HTR2C: variants seen among roughly 807,000 people sequenced by gnomAD.
HTR2C encodes the protein 5-hydroxytryptamine receptor 2C.
In HTR2C, 5 loss-of-function variants were observed where a neutral mutation model predicts 21.0. The observed-to-expected ratio is 0.24, with a 90% CI of 0.12 to 0.50. HTR2C has a LOEUF of 0.50. Ranked by LOEUF, HTR2C falls within the 20% of genes least tolerant of loss-of-function variation. The pLI, the probability that HTR2C is intolerant of heterozygous loss-of-function variation, is 0.98. For missense variants in HTR2C, 271 were observed against 371.2 expected (o/e 0.73, Z 2.22); for synonymous variants, 150 against 145.3 (o/e 1.03, Z -0.23).
chrX:114,762,140 G>A (rs1251075725), intron 4 of HTR2C, among the ~76,000 whole-genome samples: 1 of 108,488 alleles, frequency 9.2e-6, no homozygotes, highest in African/African-American at 3.3e-5. Flanking sequence ...AAATCTTTCT[G>A]GATTTTGTAA....
At chrX:114,727,192 A>T (rs1309852274) in intron 3 of HTR2C, among the ~76,000 whole-genome samples, 2 of 112,238 alleles carry the variant, frequency 1.8e-5, no homozygotes, top group Non-Finnish European at 3.8e-5. Flanking sequence ...TCATATACTT[A>T]AACAAGTAAT....
At chrX:114,812,756 A>AC (rs142982809) in intron 4 of HTR2C, among the ~76,000 whole-genome samples, 4 of 9,597 alleles carry the variant, frequency 4.2e-4, no homozygotes, top group Non-Finnish European at 9.2e-4. Flanking sequence ...AAACAAACAA[A>AC]AAAAAAAACA....
At chrX:114,609,267 A>G (rs1365392067) in intron 1 of HTR2C, among the ~76,000 whole-genome samples, 1 of 111,905 alleles carries the variant, frequency 8.9e-6, no homozygotes, top group Non-Finnish European at 1.9e-5. Flanking sequence ...GATATGTATT[A>G]TTTAATATAC....
At chrX:114,762,833 C>T (rs782610134) in intron 4 of HTR2C, among the ~76,000 whole-genome samples, 7 of 112,116 alleles carry the variant, frequency 6.2e-5, no homozygotes, top group Non-Finnish European at 1.3e-4. Context: ...ATGGGCATCA[C>T]AGCTGTGAGC....
intron 5 of HTR2C, among the ~76,000 whole-genome samples, chrX:114,863,202 C>T (rs782692664): frequency 2.7e-5 from 3 of 111,284 alleles, no homozygotes; most frequent in African/African-American, 6.5e-5. Context: ...CTTTGAGATA[C>T]GTACCCAGCA....
chrX:114,735,154 A>C (rs1486539173), intron 4 of HTR2C, among the ~76,000 whole-genome samples: 1 of 109,943 alleles, frequency 9.1e-6, no homozygotes, highest in Non-Finnish European at 1.9e-5. Flanking sequence ...GTATCTACTA[A>C]AAATACAAAA....
chrX:114,730,051 AC>A (rs1338332516), intron 3 of HTR2C, among the ~76,000 whole-genome samples: 4 of 111,659 alleles, frequency 3.6e-5, no homozygotes, highest in Non-Finnish European at 7.5e-5. Context: ...AACATAAATC[AC>A]TCATTCACAG....
chrX:114,864,258 A>C (rs1483427606), intron 5 of HTR2C, among the ~76,000 whole-genome samples: 1 of 110,985 alleles, frequency 9.0e-6, no homozygotes, highest in Non-Finnish European at 1.9e-5. Flanking sequence ...ACTTTTCTGT[A>C]GTGCTAAGAT....
intron 5 of HTR2C, among the ~76,000 whole-genome samples, chrX:114,897,621 G>A (rs1387196655): frequency 9.0e-6 from 1 of 111,659 alleles, no homozygotes; most frequent in African/African-American, 3.3e-5. Context: ...GTGTTCTCAT[G>A]ATTCAGCTGC....
At chrX:114,705,507 G>A (rs1932749804) in intron 2 of HTR2C, among the ~76,000 whole-genome samples, 1 of 108,575 alleles carries the variant, frequency 9.2e-6, no homozygotes, top group Non-Finnish European at 1.9e-5. Context: ...CTAGCCATAT[G>A]TAGAAAGCTG....
intron 5 of HTR2C, among the ~76,000 whole-genome samples, chrX:114,875,895 T>C (rs1475813698): frequency 9.1e-6 from 1 of 110,397 alleles, no homozygotes; most frequent in Non-Finnish European, 1.9e-5. Context: ...TGGGGTCTTT[T>C]GTGGCTCCAT....
At chrX:114,701,341 C>T (rs1194866353) in intron 2 of HTR2C, among the ~76,000 whole-genome samples, 1 of 111,226 alleles carries the variant, frequency 9.0e-6, no homozygotes, top group African/African-American at 3.3e-5. Flanking sequence ...CCTCACATGG[C>T]CGGGTACTCC....
At chrX:114,795,219 G>A (rs1408101135) in intron 4 of HTR2C, among the ~76,000 whole-genome samples, 1 of 110,487 alleles carries the variant, frequency 9.1e-6, no homozygotes, top group Non-Finnish European at 1.9e-5. Context: ...CTTTTTGATG[G>A]GGTTGTTTGT....
chrX:114,755,239 TAA>T (rs58933362), intron 4 of HTR2C, among the ~76,000 whole-genome samples: 22 of 76,300 alleles, frequency 2.9e-4, no homozygotes, highest in Admixed American at 3.1e-4. Flanking sequence ...AGACTTCATC[TAA>T]AAAAAAAAAA....
chrX:114,611,699 AG>A (rs1483924652), intron 1 of HTR2C, among the ~76,000 whole-genome samples: 1 of 109,565 alleles, frequency 9.1e-6, no homozygotes, highest in Admixed American at 9.7e-5. Context: ...GGTTTTTTTT[AG>A]TTTTTTTCTT....
At chrX:114,796,375 A>G (rs990394007) in intron 4 of HTR2C, among the ~76,000 whole-genome samples, 8 of 111,705 alleles carry the variant, frequency 7.2e-5, no homozygotes, top group Admixed American at 2.9e-4. Context: ...TCTCTGTAGC[A>G]CATAACCTGG....
At chrX:114,823,377 A>G (rs1310589166) in intron 4 of HTR2C, 1 of 335,421 alleles carries the variant, frequency 3.0e-6, no homozygotes. Context: ...CAGCATTTAC[A>G]CAGAGAAGCA....
intron 4 of HTR2C, among the ~76,000 whole-genome samples, chrX:114,779,832 C>T (rs2070098266): frequency 9.0e-6 from 1 of 111,392 alleles, no homozygotes; most frequent in Non-Finnish European, 1.9e-5. Context: ...GAATTCTGCT[C>T]TATGTAAGAT....
chrX:114,897,523 T>TCAGCATCCATTAGCTA (rs1388015395), intron 5 of HTR2C, among the ~76,000 whole-genome samples: 29 of 111,593 alleles, frequency 2.6e-4, no homozygotes, highest in African/African-American at 9.1e-4. Flanking sequence ...GGTATTAAGC[T>TCAGCATCCATTAGCTA]CAGCATCCAT....
Sources: allele counts gnomAD v4.1 joint callset (sites outside exome capture counted in the v4.1 genomes callset), GRCh38; gene constraint gnomAD v4.1.1; transcripts MANE v1.5; gene names NCBI Gene and HGNC (gene_info 2026-07-23, HGNC 2026-07-21).